The following DOCK8 variants were observed in gnomAD, a reference collection of about 807,000 sequenced individuals.
DOCK8 encodes dedicator of cytokinesis 8, also known as dedicator of cytokinesis protein 8.
In DOCK8, 141 loss-of-function variants were observed where a neutral mutation model predicts 245.6. The ratio of observed to expected loss-of-function variants is 0.57; its 90% CI spans 0.50 to 0.66. The LOEUF is 0.66. DOCK8 is among the 30% of genes least tolerant of loss of function. The pLI, the probability that DOCK8 is intolerant of heterozygous loss-of-function variation, is 0.00. For missense variants in DOCK8, 2,965 were observed against 2,603.4 expected (o/e 1.14, Z -3.02); for synonymous variants, 1,168 against 970.2 (o/e 1.20, Z -3.79).
intron 2 of DOCK8, among the ~76,000 whole-genome samples, chr9:274,965 T>C (rs12348756): frequency 0.018 from 2,759 of 152,352 alleles, 96 homozygotes; most frequent in African/African-American, 0.064. Context: ...GTCAAGTTAT[T>C]TAGAACCTAA....
intron 26 of DOCK8, among the ~76,000 whole-genome samples, chr9:404,248 C>CA (rs1295774507): frequency 6.6e-6 from 1 of 151,808 alleles, no homozygotes; most frequent in African/African-American, 2.4e-5. Context: ...TCCAGACAGT[C>CA]ACCTTTTTCT....
At chr9:370,530 C>T (rs898087975) in intron 16 of DOCK8, among the ~76,000 whole-genome samples, 1 of 152,142 alleles carries the variant, frequency 6.6e-6, no homozygotes, top group South Asian at 2.1e-4. Flanking sequence ...TTGACTTTTC[C>T]AGAAGCTTCT....
chr9:437,219 G>A (rs1564068130), intron 39 of DOCK8, among the ~76,000 whole-genome samples: 1 of 152,174 alleles, frequency 6.6e-6, no homozygotes, highest in Non-Finnish European at 1.5e-5. Flanking sequence ...TGCCATACTG[G>A]ACCTAGGGGC....
chr9:332,502 A>C, intron 10 of DOCK8, 24 bp downstream of exon 10: 1 of 1,530,498 alleles, frequency 6.5e-7, no homozygotes, highest in East Asian at 2.3e-5. Flanking sequence ...AGTGTTGTTA[A>C]ATGGAGACAT....
At position 377,978 on chromosome 9, in the gene DOCK8, G is replaced by C. The variant is rs970221139; in HGVS notation, c.2440+767G>C. 2.0e-5 allele frequency among the ~76,000 whole-genome samples: 3 copies of C among 152,186 alleles called. No individual in the cohort carries two copies. The South Asian group carries it at 6.2e-4, about 32-fold the overall frequency. On this transcript the variant is annotated intron_variant, in intron 20 of 47. Transcript: ENST00000432829. ...TCTTTATTTGCCACCATTTTCAGCT[G>C]TGCCTATATAGCTCTTTGCTTTCCA...
chr9:443,037 C>G (rs1181694702), intron 42 of DOCK8, among the ~76,000 whole-genome samples: 2 of 152,172 alleles, frequency 1.3e-5, no homozygotes, highest in Admixed American at 6.6e-5. Context: ...ATTGTTTCCC[C>G]TACTTAGAAT....
chr9:338,982 T>G (rs1206516893), intron 12 of DOCK8, 24 bp from the exon 13 acceptor site: 1 of 1,609,490 alleles, frequency 6.2e-7, no homozygotes, highest in Non-Finnish European at 8.5e-7. Flanking sequence ...GCATCTACAT[T>G]AACTCTGACT....
At chr9:458,281 T>C (rs937566553) in intron 46 of DOCK8, 6 of 152,152 alleles carry the variant, frequency 3.9e-5, no homozygotes, top group African/African-American at 1.2e-4. Context: ...CATGACCACA[T>C]CTAGGCAAGT....
chr9:401,746 C>T (rs1291241150), intron 26 of DOCK8, among the ~76,000 whole-genome samples: 2 of 152,062 alleles, frequency 1.3e-5, no homozygotes, highest in Admixed American at 6.5e-5. Flanking sequence ...TACATAACAC[C>T]TCTCCTCCAA....
Position 376,965 on chromosome 9 carries a change from C to T in DOCK8, c.2206-12C>T, listed in dbSNP as rs576270698. ...TATAAAACCCCATGAGGCCTGCCTT[C>T]TCCCTTCGCAGGACAACCACCTGGA... On this transcript the variant is annotated splice_polypyrimidine_tract_variant and intron_variant, in intron 19 of 47. Coordinates refer to ENST00000432829, the MANE Select transcript of DOCK8 (RefSeq NM_203447.4). 2.4e-5 allele frequency: 38 copies of T among 1,612,050 alleles called. No individual in the cohort carries two copies. The Admixed American group carries it at 4.8e-4, about 21-fold the overall frequency.
At chr9:418,531 G>T (rs1276382696) in intron 30 of DOCK8, among the ~76,000 whole-genome samples, 1 of 152,114 alleles carries the variant, frequency 6.6e-6, no homozygotes, top group Non-Finnish European at 1.5e-5. Context: ...GCCTCCCAAA[G>T]TGCTGGGATT....
chr9:222,208 A>T (rs1209295850), intron 1 of DOCK8, among the ~76,000 whole-genome samples: 1 of 151,898 alleles, frequency 6.6e-6, no homozygotes, highest in Non-Finnish European at 1.5e-5. Context: ...GGCTGCAGTG[A>T]GCTATGATTG....
At chr9:373,988 G>T (rs1338742331) in intron 18 of DOCK8, among the ~76,000 whole-genome samples, 1 of 152,192 alleles carries the variant, frequency 6.6e-6, no homozygotes, top group Non-Finnish European at 1.5e-5. Context: ...CCAAAGTCTA[G>T]ATTCTGCCAC....
intron 1 of DOCK8, among the ~76,000 whole-genome samples, chr9:271,020 A>G (rs1271875273): frequency 1.3e-5 from 2 of 152,230 alleles, no homozygotes; most frequent in South Asian, 4.1e-4. Flanking sequence ...TCTCATGTGT[A>G]TGGCTCCCTA....
At chr9:225,450 G>A (rs901439039) in intron 1 of DOCK8, among the ~76,000 whole-genome samples, 15 of 152,172 alleles carry the variant, frequency 9.9e-5, no homozygotes, top group Non-Finnish European at 2.1e-4. Context: ...TCATTCCGAT[G>A]TGAGGTAGTG....
At position 428,257 on chromosome 9, in the gene DOCK8, C is replaced by T; in HGVS notation, c.4339-105C>T. 5.1e-6 allele frequency: 8 copies of T among 1,576,836 alleles called. No individual in the cohort carries two copies. The South Asian group carries it at 5.7e-5, about 11-fold the overall frequency. ...GGTGGCTCACCAAACTCTTAAGACT[C>T]ACCACTGGACATGGAACATCAGCAT... On this transcript the variant is annotated intron_variant, in intron 34 of 47. Coordinates refer to ENST00000432829, the MANE Select transcript of DOCK8 (RefSeq NM_203447.4).
Position 400,003 on chromosome 9 carries a change from ACC to A in DOCK8, c.3234+745_3234+746del, listed in dbSNP as rs1564011345. ...ATCACCACCTCCCACCACCTCCACCACCTCCACCATCACCACCACCTCCACCA... is the reference window on the plus strand; with the variant it reads ...ATCACCACCTCCCACCACCTCCACCATCCACCATCACCACCACCTCCACCA... On this transcript the variant is annotated intron_variant, in intron 26 of 47. Coordinates refer to ENST00000432829, the MANE Select transcript of DOCK8 (RefSeq NM_203447.4). Among the ~76,000 whole-genome samples, 557 of 105,452 alleles carry A rather than the reference ACC, an allele frequency of 5.3e-3. 20 individuals are homozygous for A. Among genetic ancestry groups the A allele is most frequent in the African/African-American group, 0.012 (334 of 28,972 alleles). The allele number at this position is 105,452 out of a possible 152,430, so 69.2% of individuals were successfully genotyped here. A position where few individuals can be genotyped will look rare whatever the true frequency, so the allele number is the denominator to read the frequency against.
intron 24 of DOCK8, among the ~76,000 whole-genome samples, chr9:395,823 G>A (rs891173314): frequency 6.6e-6 from 1 of 152,060 alleles, no homozygotes; most frequent in Non-Finnish European, 1.5e-5. Flanking sequence ...TATTATTCTA[G>A]TCATAATGCA....
intron 36 of DOCK8, among the ~76,000 whole-genome samples, chr9:430,979 C>G (rs2056688537): frequency 5.3e-5 from 8 of 152,134 alleles, no homozygotes; most frequent in Admixed American, 5.2e-4. Flanking sequence ...AAATGATCCT[C>G]CTACTTCAGC....
Sources: allele counts gnomAD v4.1 joint callset (sites outside exome capture counted in the v4.1 genomes callset), GRCh38; gene constraint gnomAD v4.1.1; transcripts MANE v1.5; gene names NCBI Gene and HGNC (gene_info 2026-07-23, HGNC 2026-07-21).